The following FRMD6 variants were observed in gnomAD, a reference collection of about 807,000 sequenced individuals.
FRMD6 encodes the protein FERM domain containing 6.
Under a neutral mutation model 73.2 loss-of-function variants are expected in FRMD6, and 37 were observed. The observed-to-expected ratio is 0.51, with a 90% CI of 0.39 to 0.66. FRMD6 has a LOEUF of 0.66. Among genes scored for constraint, FRMD6 ranks in the 30% least tolerant of loss-of-function variants. The pLI, the probability that FRMD6 is intolerant of heterozygous loss-of-function variation, is 0.00. For synonymous variants in FRMD6, 273 were observed against 282.2 expected (o/e 0.97, Z 0.33); for missense variants, 714 against 780.5 (o/e 0.91, Z 1.02).
rs189402132 is a variant in FRMD6, at chr14:51,541,389, T to A, written c.-209-28959T>A. ...CATCTAGATTCTGGGAAAAGGGCAA[T>A]GAATAACACACAAAACTCCTCTTCT... On this transcript the variant is annotated intron_variant, in intron 1 of 14. Transcript: ENST00000356218. Among the ~76,000 whole-genome samples, 5 of 152,216 alleles carry A rather than the reference T, an allele frequency of 3.3e-5. No homozygotes were observed. In the East Asian group the frequency reaches 9.7e-4, roughly 29 times the overall value.
the FRMD6 span, among the ~76,000 whole-genome samples, chr14:51,414,507 G>A: frequency 5.3e-5 from 8 of 150,680 alleles, no homozygotes; most frequent in South Asian, 1.3e-3. Context: ...TTTTCCATTG[G>A]TCTATATCTC....
intron 2 of FRMD6, among the ~76,000 whole-genome samples, chr14:51,616,045 T>C (rs1437475639): frequency 2.0e-5 from 3 of 152,098 alleles, no homozygotes; most frequent in Non-Finnish European, 4.4e-5. Flanking sequence ...ATAAAGGCCA[T>C]AGTTTGAAGT....
At chr14:51,486,509 A>G (rs751609587), upstream of FRMD6, among the ~76,000 whole-genome samples, 22 of 152,240 alleles carry the variant, frequency 1.4e-4, no homozygotes, top group Non-Finnish European at 2.6e-4. Context: ...GCAGGCATTT[A>G]TGAAGTTCTT....
At chr14:51,612,904 TAA>T (rs1890571124) in intron 2 of FRMD6, among the ~76,000 whole-genome samples, 1 of 152,148 alleles carries the variant, frequency 6.6e-6, no homozygotes, top group African/African-American at 2.4e-5. Flanking sequence ...AAAAGTGCTA[TAA>T]GAGTCCAAAA....
At chr14:51,688,881 G>A (rs1895355710) in intron 1 of FRMD6, among the ~76,000 whole-genome samples, 1 of 152,132 alleles carries the variant, frequency 6.6e-6, no homozygotes, top group African/African-American at 2.4e-5. Flanking sequence ...TCTATTACTT[G>A]CAAACAAAAT....
At chr14:51,676,882 A>G (rs560490984) in intron 1 of FRMD6, among the ~76,000 whole-genome samples, 1 of 152,244 alleles carries the variant, frequency 6.6e-6, no homozygotes, top group African/African-American at 2.4e-5. Flanking sequence ...TTTATCACAC[A>G]TATATATGTA....
intron 2 of FRMD6, among the ~76,000 whole-genome samples, chr14:51,623,349 A>C (rs1228039659): frequency 6.6e-6 from 1 of 152,200 alleles, no homozygotes; most frequent in Non-Finnish European, 1.5e-5. Context: ...ATATTTCCTG[A>C]CTGGTAATCA....
At chr14:51,682,951 A>G (rs995435825) in intron 1 of FRMD6, among the ~76,000 whole-genome samples, 1 of 152,086 alleles carries the variant, frequency 6.6e-6, no homozygotes, top group East Asian at 1.9e-4. Flanking sequence ...CAATAGCCCC[A>G]CTGGAAAGAT....
the FRMD6 span, among the ~76,000 whole-genome samples, chr14:51,408,159 C>CTT: frequency 3.5e-5 from 5 of 141,658 alleles, no homozygotes; most frequent in African/African-American, 1.0e-4. Context: ...CTCAGCTATT[C>CTT]TTTTTTTTTT....
intron 1 of FRMD6, among the ~76,000 whole-genome samples, chr14:51,541,265 C>T (rs77705426): frequency 0.018 from 2,795 of 152,124 alleles, 94 homozygotes; most frequent in African/African-American, 0.064. Context: ...GATCATTGAA[C>T]TTGGGTTTTC....
intron 1 of FRMD6, among the ~76,000 whole-genome samples, chr14:51,551,169 A>T (rs544081598): frequency 7.2e-5 from 11 of 152,298 alleles, no homozygotes; most frequent in African/African-American, 2.6e-4. Context: ...TAAGTAAAAA[A>T]ACTTGTGCTA....
At chr14:51,442,932 C>G in the FRMD6 span, among the ~76,000 whole-genome samples, 1 of 152,168 alleles carries the variant, frequency 6.6e-6, no homozygotes, top group Non-Finnish European at 1.5e-5. Flanking sequence ...TGCAAAATAG[C>G]AGAAATCACC....
chr14:51,576,780 A>G (rs1465208596), intron 2 of FRMD6, among the ~76,000 whole-genome samples: 1 of 152,106 alleles, frequency 6.6e-6, no homozygotes, highest in Non-Finnish European at 1.5e-5. Context: ...CAAATTAGCC[A>G]CTTGGGCCAT....
At chr14:51,437,617 A>C in the FRMD6 span, among the ~76,000 whole-genome samples, 1 of 152,112 alleles carries the variant, frequency 6.6e-6, no homozygotes, top group African/African-American at 2.4e-5. Context: ...TTTCTTTTTT[A>C]AAAAATTTTC....
intron 2 of FRMD6, among the ~76,000 whole-genome samples, chr14:51,570,661 T>C (rs888619942): frequency 2.0e-5 from 3 of 152,246 alleles, no homozygotes; most frequent in African/African-American, 7.2e-5. Flanking sequence ...GGCTCTCCCC[T>C]GTGCTTTAAT....
At chr14:51,536,207 C>A (rs916679718) in intron 1 of FRMD6, among the ~76,000 whole-genome samples, 1 of 151,006 alleles carries the variant, frequency 6.6e-6, no homozygotes, top group African/African-American at 2.4e-5. Context: ...GATCCTCCCA[C>A]CTCAGCCTCC....
chr14:51,723,637 AT>A (rs576995076), intron 12 of FRMD6, among the ~76,000 whole-genome samples: 1 of 148,312 alleles, frequency 6.7e-6, no homozygotes, highest in South Asian at 2.1e-4. Context: ...AAAAAAAAAA[AT>A]TAGCTGCAGG....
intron 1 of FRMD6, among the ~76,000 whole-genome samples, chr14:51,555,236 A>G (rs750203548): frequency 5.3e-5 from 8 of 152,214 alleles, no homozygotes; most frequent in Non-Finnish European, 1.2e-4. Flanking sequence ...CAACCTCCAA[A>G]GAAGAGTTCT....
At chr14:51,616,242 G>C (rs1437099647) in intron 2 of FRMD6, among the ~76,000 whole-genome samples, 1 of 152,136 alleles carries the variant, frequency 6.6e-6, no homozygotes, top group Non-Finnish European at 1.5e-5. Context: ...CTAATCCTCG[G>C]CTGTACACTT....
Sources: allele counts gnomAD v4.1 joint callset (sites outside exome capture counted in the v4.1 genomes callset), GRCh38; gene constraint gnomAD v4.1.1; transcripts MANE v1.5; gene names NCBI Gene and HGNC (gene_info 2026-07-23, HGNC 2026-07-21).